The following MYLK variants were observed in gnomAD, a reference collection of about 807,000 sequenced individuals.
MYLK encodes myosin light chain kinase, smooth muscle.
In MYLK, 106 loss-of-function variants were observed where a neutral mutation model predicts 203.4. The ratio of observed to expected loss-of-function variants is 0.52; its 90% CI spans 0.45 to 0.61. MYLK has a LOEUF of 0.61. MYLK is among the 20% of genes least tolerant of loss of function. MYLK has a pLI of 0.00. For missense variants in MYLK, 2,072 were observed against 2,442.3 expected (o/e 0.85, Z 3.20); for synonymous variants, 867 against 959.5 (o/e 0.90, Z 1.78).
intron 2 of MYLK, among the ~76,000 whole-genome samples, chr3:123,848,847 T>C (rs2030388233): frequency 6.6e-6 from 1 of 152,216 alleles, no homozygotes; most frequent in Non-Finnish European, 1.5e-5. Context: ...TTGGACTACC[T>C]CGAAACTTCT....
At chr3:123,754,856 A>G (rs1263392050) in intron 4 of MYLK, among the ~76,000 whole-genome samples, 1 of 152,254 alleles carries the variant, frequency 6.6e-6, no homozygotes, top group African/African-American at 2.4e-5. Flanking sequence ...GAGGGCCTCA[A>G]GGAATTTAAA....
At chr3:123,851,261 G>GT (rs1427269480) in intron 2 of MYLK, among the ~76,000 whole-genome samples, 1 of 152,174 alleles carries the variant, frequency 6.6e-6, no homozygotes, top group Non-Finnish European at 1.5e-5. Flanking sequence ...CTTTAAAGTA[G>GT]TTTTTTCCAA....
Position 123,613,842 on chromosome 3 carries a change from T to G in MYLK, c.*263A>C. ...TTGGTTACTTTCTCTCTAAAATCAATTGGTCAGTCAAGTTACTGGTGATTT... is the reference window on the plus strand; with the variant it reads ...TTGGTTACTTTCTCTCTAAAATCAAGTGGTCAGTCAAGTTACTGGTGATTT... On this transcript the variant is annotated 3_prime_UTR_variant, in exon 34 of 34. Transcript: ENST00000360304. 1 of 484,982 alleles carries G rather than the reference T, an allele frequency of 2.1e-6. No individual in the cohort carries two copies. The highest frequency in any genetic ancestry group is 3.7e-6 in the Non-Finnish European group (1 of 267,068). 30.0% of individuals were successfully genotyped at this position (484,982 alleles called of 1,614,324 possible). A position where few individuals can be genotyped will look rare whatever the true frequency, so the allele number is the denominator to read the frequency against.
Position 123,613,842 on chromosome 3 carries a change from T to A in MYLK, c.*263A>T. On this transcript the variant is annotated 3_prime_UTR_variant, in exon 34 of 34. Coordinates refer to ENST00000360304, the MANE Select transcript of MYLK (RefSeq NM_053025.4). ...TTGGTTACTTTCTCTCTAAAATCAATTGGTCAGTCAAGTTACTGGTGATTT... is the reference window on the plus strand; with the variant it reads ...TTGGTTACTTTCTCTCTAAAATCAAATGGTCAGTCAAGTTACTGGTGATTT... 1 of 484,982 alleles carries A rather than the reference T, an allele frequency of 2.1e-6. No individual in the cohort carries two copies. The highest frequency in any genetic ancestry group is 2.2e-5 in the South Asian group (1 of 45,832). The allele number at this position is 484,982 out of a possible 1,614,324, so 30.0% of individuals were successfully genotyped here.
intron 4 of MYLK, among the ~76,000 whole-genome samples, 155 bp downstream of exon 4, chr3:123,793,522 G>A (rs1301187706): frequency 6.6e-6 from 1 of 152,134 alleles, no homozygotes; most frequent in Non-Finnish European, 1.5e-5. Context: ...ACAAACAAAA[G>A]AAAGAGAAAA....
chr3:123,726,640 C>T (rs548072030), intron 11 of MYLK, among the ~76,000 whole-genome samples: 46 of 152,228 alleles, frequency 3.0e-4, no homozygotes, highest in African/African-American at 9.1e-4. Flanking sequence ...CAGCTTGAAC[C>T]CCATTCTAGG....
chr3:123,817,432 G>T (rs143331598), intron 3 of MYLK, among the ~76,000 whole-genome samples: 32 of 152,174 alleles, frequency 2.1e-4, no homozygotes, highest in African/African-American at 7.5e-4. Flanking sequence ...TTCCCTACCT[G>T]CCCAGGGTTC....
chr3:123,727,073 G>T (rs1185898054), intron 11 of MYLK, among the ~76,000 whole-genome samples: 3 of 152,208 alleles, frequency 2.0e-5, no homozygotes, highest in East Asian at 3.8e-4. Flanking sequence ...ATGTTATGAG[G>T]TTGTTCTCTT....
intron 20 of MYLK, among the ~76,000 whole-genome samples, chr3:123,673,445 C>G (rs1035288888): frequency 6.6e-6 from 1 of 152,018 alleles, no homozygotes; most frequent in Non-Finnish European, 1.5e-5. Flanking sequence ...CCCCTCCCCC[C>G]ACTCCCCCGC....
chr3:123,860,610 C>T (rs910330308), intron 2 of MYLK, among the ~76,000 whole-genome samples: 5 of 151,972 alleles, frequency 3.3e-5, no homozygotes, highest in African/African-American at 1.2e-4. Context: ...TGAAAAAAGC[C>T]CTGTCTGAGA....
intron 2 of MYLK, among the ~76,000 whole-genome samples, chr3:123,852,335 T>A (rs995235100): frequency 5.9e-5 from 9 of 152,194 alleles, no homozygotes; most frequent in African/African-American, 1.7e-4. Flanking sequence ...TCTGGTAGAA[T>A]TCGGCTGTGA....
At chr3:123,854,446 C>T (rs1223496215) in intron 2 of MYLK, among the ~76,000 whole-genome samples, 2 of 152,110 alleles carry the variant, frequency 1.3e-5, no homozygotes, top group African/African-American at 4.8e-5. Context: ...ACCATACACA[C>T]TTATGAATTT....
In MYLK at chr3:123,648,876, C is replaced by T; in HGVS notation, c.4415+95G>A. ...CTCAGTCTGGGGAGGAGGCAGGCCC[C>T]AGGGAGCAACAGGAAGCTGAGGCAC... On this transcript the variant is annotated intron_variant, in intron 26 of 33. Coordinates refer to ENST00000360304, the MANE Select transcript of MYLK (RefSeq NM_053025.4). This position sits in a 1 kb window ranked among gnomAD's most constrained non-coding sequence, Gnocchi z 4.5. 1 of 1,062,542 alleles carries T rather than the reference C, an allele frequency of 9.4e-7. No individual in the cohort carries two copies. The highest frequency in any genetic ancestry group is 1.5e-6 in the Non-Finnish European group (1 of 686,058). 65.8% of individuals were successfully genotyped at this position (1,062,542 alleles called of 1,614,324 possible).
intron 19 of MYLK, among the ~76,000 whole-genome samples, chr3:123,686,022 G>A (rs774597473): frequency 3.3e-5 from 5 of 152,214 alleles, no homozygotes; most frequent in Non-Finnish European, 7.3e-5. Flanking sequence ...GGAGCCAGCA[G>A]ACCTCCATGC....
chr3:123,626,405 T>C (rs1341226021), intron 31 of MYLK, among the ~76,000 whole-genome samples: 3 of 152,228 alleles, frequency 2.0e-5, no homozygotes, highest in Non-Finnish European at 4.4e-5. Context: ...GTCTCTCTCT[T>C]TAGATCATGT....
intron 3 of MYLK, among the ~76,000 whole-genome samples, chr3:123,817,785 C>G (rs1054684001): frequency 1.3e-5 from 2 of 152,152 alleles, no homozygotes; most frequent in Non-Finnish European, 2.9e-5. Flanking sequence ...ACTAACTCCT[C>G]CAGATCCTTA....
chr3:123,666,022 A>G (rs578195485), intron 22 of MYLK, among the ~76,000 whole-genome samples, 197 bp downstream of exon 22: 13 of 152,332 alleles, frequency 8.5e-5, no homozygotes, highest in African/African-American at 3.1e-4. Flanking sequence ...GGCGGGGATT[A>G]TTGGTAGATT....
At chr3:123,849,565 T>C (rs1224765979) in intron 2 of MYLK, among the ~76,000 whole-genome samples, 1 of 152,132 alleles carries the variant, frequency 6.6e-6, no homozygotes, top group African/African-American at 2.4e-5. Context: ...GGCTTTGAAA[T>C]AATGGCTTTT....
At chr3:123,646,152 C>A (rs2059013784) in intron 27 of MYLK, among the ~76,000 whole-genome samples, 1 of 152,016 alleles carries the variant, frequency 6.6e-6, no homozygotes, top group Admixed American at 6.6e-5. Flanking sequence ...ACAAACCAAA[C>A]TAAAAAAGCA....
Sources: gnomAD v4.1 joint callset for allele counts (sites outside exome capture counted in the v4.1 genomes callset) on GRCh38, gnomAD v4.1.1 for gene constraint, Gnocchi (gnomAD v3.1) non-coding constraint, MANE v1.5 for transcripts, NCBI Gene and HGNC (gene_info 2026-07-23, HGNC 2026-07-21) for gene names.